Variants in CCDC30 observed in about 807,000 individuals in gnomAD.
CCDC30 encodes coiled-coil domain-containing protein 30.
CCDC30 carries 70 observed loss-of-function variants against 100.2 expected under a neutral mutation model. The ratio of observed to expected loss-of-function variants is 0.70; its 90% CI spans 0.58 to 0.85. The LOEUF (loss-of-function observed/expected upper bound fraction) is 0.85, where lower values mean the gene tolerates loss of function less well. Ranked by LOEUF, CCDC30 falls within the 40% of genes least tolerant of loss-of-function variation. The pLI is 0.00. For missense variants in CCDC30, 652 were observed against 771.2 expected (o/e 0.85, Z 1.83); for synonymous variants, 233 against 269.5 (o/e 0.86, Z 1.33).
upstream of CCDC30, among the ~76,000 whole-genome samples, chr1:42,462,720 A>G (rs1460515125): frequency 6.6e-6 from 1 of 152,150 alleles, no homozygotes; most frequent in Non-Finnish European, 1.5e-5. Context: ...TTTGCATTAC[A>G]TAGGTGGGGA....
the CCDC30 span, chr1:42,456,935 G>T: frequency 6.2e-7 from 1 of 1,607,812 alleles, no homozygotes; most frequent in Admixed American, 1.7e-5. Context: ...CGAGGAGAAT[G>T]CACTTCCGGG....
At chr1:42,617,626 G>A (rs1646750884) in intron 11 of CCDC30, among the ~76,000 whole-genome samples, 1 of 152,196 alleles carries the variant, frequency 6.6e-6, no homozygotes, top group Admixed American at 6.5e-5. Flanking sequence ...AGTGGGGAGT[G>A]TTGATTGATC....
chr1:42,640,699 G>C (rs1419864682), intron 12 of CCDC30, among the ~76,000 whole-genome samples: 1 of 151,966 alleles, frequency 6.6e-6, no homozygotes, highest in African/African-American at 2.4e-5. Context: ...TTTGAGACCA[G>C]CCTGACCAAC....
At chr1:42,522,590 G>A (rs1278914738) in intron 6 of CCDC30, among the ~76,000 whole-genome samples, 1 of 151,802 alleles carries the variant, frequency 6.6e-6, no homozygotes, top group Non-Finnish European at 1.5e-5. Flanking sequence ...ATTTCTTTAG[G>A]TTAACTTCAG....
At chr1:42,540,835 A>T (rs899481721) in intron 6 of CCDC30, among the ~76,000 whole-genome samples, 5 of 152,204 alleles carry the variant, frequency 3.3e-5, no homozygotes, top group Admixed American at 2.6e-4. Context: ...CATTGACACA[A>T]TACCATTATC....
chr1:42,505,614 A>G (rs1644382949), intron 6 of CCDC30, among the ~76,000 whole-genome samples: 1 of 152,242 alleles, frequency 6.6e-6, no homozygotes, highest in African/African-American at 2.4e-5. Flanking sequence ...TTATTTCTAC[A>G]TAGGCCTTTT....
chr1:42,656,630 A>C (rs762436966), downstream of CCDC30, among the ~76,000 whole-genome samples: 80 of 152,270 alleles, frequency 5.3e-4, 1 homozygote, highest in Middle Eastern at 6.8e-3. Context: ...ACTCTGTCTC[A>C]AAAAATAATA....
chr1:42,509,258 C>T (rs907593616), intron 6 of CCDC30, among the ~76,000 whole-genome samples: 2 of 152,112 alleles, frequency 1.3e-5, no homozygotes, highest in Admixed American at 1.3e-4. Flanking sequence ...AGTTTATAGT[C>T]TAAAACAAAG....
intron 6 of CCDC30, chr1:42,545,495 A>G: frequency 6.2e-7 from 1 of 1,606,610 alleles, no homozygotes; most frequent in Non-Finnish European, 8.5e-7. Flanking sequence ...ATTACAAGTG[A>G]AAATACCTGT....
chr1:42,476,590 T>A (rs1022794809), intron 1 of CCDC30, among the ~76,000 whole-genome samples: 1 of 151,460 alleles, frequency 6.6e-6, no homozygotes, highest in Non-Finnish European at 1.5e-5. Context: ...CTTGGGAGAC[T>A]GAGGCAGGAG....
chr1:42,563,654 G>C (rs1404593526), intron 6 of CCDC30, among the ~76,000 whole-genome samples: 1 of 152,174 alleles, frequency 6.6e-6, no homozygotes, highest in African/African-American at 2.4e-5. Flanking sequence ...GCCAAGGCGG[G>C]TGGATCACCT....
Position 42,506,294 on chromosome 1 carries a change from T to A in CCDC30, c.456+7378T>A, listed in dbSNP as rs947591350. ...ACATTTCAGCTCCTCATGAATCCTGTGTGTTTTTTCTCTATTCCAATGTTA... is the reference window on the plus strand; with the variant it reads ...ACATTTCAGCTCCTCATGAATCCTGAGTGTTTTTTCTCTATTCCAATGTTA... On this transcript the variant is annotated intron_variant, in intron 6 of 16. Coordinates refer to ENST00000668663, the Ensembl canonical transcript of CCDC30. Among the ~76,000 whole-genome samples, 10 of 152,240 alleles carry A rather than the reference T, an allele frequency of 6.6e-5. 1 individual carries two copies. Among genetic ancestry groups the A allele is most frequent in the South Asian group, 4.1e-4 (2 of 4,838 alleles).
rs147427765 is a variant in CCDC30, at chr1:42,502,041, C to T, written c.456+3125C>T. ...CTGCTGCCTTTTTTGTTCAGCTATG[C>T]CCTGCCCCCAGAGGTGGAGTCTACA... On this transcript the variant is annotated intron_variant, in intron 6 of 16. Coordinates refer to ENST00000668663, the Ensembl canonical transcript of CCDC30. Among the ~76,000 whole-genome samples, 582 of 152,318 alleles carry T rather than the reference C, an allele frequency of 3.8e-3. 1 individual carries two copies. The highest frequency in any genetic ancestry group is 0.012 in the African/African-American group (516 of 41,550).
chr1:42,638,138 T>C (rs1647194355), intron 12 of CCDC30, among the ~76,000 whole-genome samples: 1 of 152,196 alleles, frequency 6.6e-6, no homozygotes, highest in African/African-American at 2.4e-5. Flanking sequence ...TCCCAGACTA[T>C]ACACAATAAA....
intron 11 of CCDC30, among the ~76,000 whole-genome samples, chr1:42,627,960 C>T (rs957357387): frequency 6.6e-6 from 1 of 152,178 alleles, no homozygotes; most frequent in Non-Finnish European, 1.5e-5. Context: ...AGAGGGCCAC[C>T]ATCCTCCAGA....
At chr1:42,576,223 G>A (rs1645833731) in intron 7 of CCDC30, among the ~76,000 whole-genome samples, 1 of 152,242 alleles carries the variant, frequency 6.6e-6, no homozygotes, top group Non-Finnish European at 1.5e-5. Context: ...GGCAGTTGCT[G>A]TAGCCCAGGC....
At chr1:42,558,065 G>T in intron 6 of CCDC30, 1 of 226,478 alleles carries the variant, frequency 4.4e-6, no homozygotes, top group Non-Finnish European at 9.5e-6. Context: ...GACTCTTGTT[G>T]GCTGCTTGTC....
At chr1:42,575,293 A>G (rs1469066569) in intron 7 of CCDC30, among the ~76,000 whole-genome samples, 1 of 152,138 alleles carries the variant, frequency 6.6e-6, no homozygotes, top group Non-Finnish European at 1.5e-5. Context: ...TGCTCAGTAA[A>G]TAATTGTTTA....
At chr1:42,508,071 G>C (rs1644422214) in intron 6 of CCDC30, among the ~76,000 whole-genome samples, 2 of 152,162 alleles carry the variant, frequency 1.3e-5, no homozygotes, top group Non-Finnish European at 2.9e-5. Context: ...TTTAGCACTT[G>C]TAAAATTTTT....
Sources: gnomAD v4.1 joint callset for allele counts (sites outside exome capture counted in the v4.1 genomes callset) on GRCh38, gnomAD v4.1.1 for gene constraint, MANE v1.5 for transcripts, NCBI Gene and HGNC (gene_info 2026-07-23, HGNC 2026-07-21) for gene names.